PLCB1: variants seen among roughly 807,000 people sequenced by gnomAD.
PLCB1 encodes the protein 1-phosphatidylinositol 4,5-bisphosphate phosphodiesterase beta-1.
Under a neutral mutation model 161.8 loss-of-function variants are expected in PLCB1, and 46 were observed. The observed-to-expected ratio is 0.28, with a 90% CI of 0.22 to 0.36. The LOEUF is 0.36. Ranked by LOEUF, PLCB1 falls within the 10% of genes least tolerant of loss-of-function variation. The probability of loss-of-function intolerance (pLI) is 1.00; values close to 1 mark genes in which losing one functional copy is unlikely to be tolerated. For missense variants in PLCB1, 1,016 were observed against 1,472.5 expected (o/e 0.69, Z 5.07); for synonymous variants, 517 against 503.7 (o/e 1.03, Z -0.35).
intron 3 of PLCB1, among the ~76,000 whole-genome samples, chr20:8,602,349 T>G (rs1442271911): frequency 3.3e-5 from 5 of 152,130 alleles, no homozygotes; most frequent in African/African-American, 1.2e-4. Context: ...TGTAGAGATA[T>G]TAATTAAAAT....
At chr20:8,749,117 T>C (rs528233208) in intron 23 of PLCB1, among the ~76,000 whole-genome samples, 8 of 152,268 alleles carry the variant, frequency 5.3e-5, no homozygotes, top group African/African-American at 1.9e-4. Context: ...CTCTCAAACT[T>C]TAGCATGTAC....
At chr20:8,793,410 A>C (rs1983863317) in intron 31 of PLCB1, among the ~76,000 whole-genome samples, 1 of 152,154 alleles carries the variant, frequency 6.6e-6, no homozygotes, top group Non-Finnish European at 1.5e-5. Context: ...ATCTGCCCCG[A>C]TATTCACGTA....
chr20:8,409,645 T>G (rs1978953564), intron 3 of PLCB1, among the ~76,000 whole-genome samples: 1 of 151,868 alleles, frequency 6.6e-6, no homozygotes, highest in South Asian at 2.1e-4. Context: ...GTATTTTTAG[T>G]AGAGATCGGG....
At position 8,354,992 on chromosome 20, in the gene PLCB1, T is replaced by A. The variant is rs548543062; in HGVS notation, c.178-16390T>A. Reference sequence around the variant, plus strand: ...GATTCTGTCTACCAAGTCAGAGAAGTGGTTTAAATGTGTTGATGTATCTGG... The same window carrying A: ...GATTCTGTCTACCAAGTCAGAGAAGAGGTTTAAATGTGTTGATGTATCTGG... On this transcript the variant is annotated intron_variant, in intron 2 of 31. Coordinates refer to ENST00000338037, the MANE Select transcript of PLCB1 (RefSeq NM_015192.4). 4.6e-5 allele frequency among the ~76,000 whole-genome samples: 7 copies of A among 152,246 alleles called. No homozygotes were observed. In the South Asian group the frequency reaches 1.4e-3, roughly 32 times the overall value.
At chr20:8,719,759 G>T (rs1177304038) in intron 14 of PLCB1, among the ~76,000 whole-genome samples, 1 of 152,034 alleles carries the variant, frequency 6.6e-6, no homozygotes, top group Non-Finnish European at 1.5e-5. Flanking sequence ...AAAATTCTTT[G>T]CACTGTGGAC....
At chr20:8,778,481 A>C (rs1983052218) in intron 27 of PLCB1, among the ~76,000 whole-genome samples, 1 of 152,126 alleles carries the variant, frequency 6.6e-6, no homozygotes, top group Non-Finnish European at 1.5e-5. Flanking sequence ...AGGTGGGAAA[A>C]TTGCACTTGA....
intron 3 of PLCB1, among the ~76,000 whole-genome samples, chr20:8,389,501 G>A (rs1224703338): frequency 6.6e-6 from 1 of 152,160 alleles, no homozygotes; most frequent in African/African-American, 2.4e-5. Flanking sequence ...GACAGAATTA[G>A]TACCATGAGT....
intron 23 of PLCB1, among the ~76,000 whole-genome samples, chr20:8,755,176 G>A (rs1981677279): frequency 6.6e-6 from 1 of 152,178 alleles, no homozygotes; most frequent in Non-Finnish European, 1.5e-5. Context: ...ATTAAAATAA[G>A]TTCTGCCATC....
intron 7 of PLCB1, among the ~76,000 whole-genome samples, chr20:8,651,253 A>C (rs1989313323): frequency 6.6e-6 from 1 of 152,218 alleles, no homozygotes; most frequent in Non-Finnish European, 1.5e-5. Flanking sequence ...AGCCATTCTT[A>C]GACTTATGAT....
intron 1 of PLCB1, among the ~76,000 whole-genome samples, chr20:8,147,721 C>T (rs1260994356): frequency 1.3e-5 from 2 of 152,014 alleles, no homozygotes; most frequent in Non-Finnish European, 2.9e-5. Context: ...GATCACTTAA[C>T]AGAGGAACTG....
At chr20:8,462,072 GTA>G (rs1318097879) in intron 3 of PLCB1, among the ~76,000 whole-genome samples, 2 of 151,546 alleles carry the variant, frequency 1.3e-5, no homozygotes, top group African/African-American at 4.8e-5. Context: ...AAATATATGT[GTA>G]TATATATAAA....
At position 8,436,774 on chromosome 20, in the gene PLCB1, G is replaced by A. The variant is rs144308681; in HGVS notation, c.246+65324G>A. The stretch of plus-strand genomic sequence containing the variant: ...CACTTGACCTAGCCACCGTAGCCAT[G>A]GAATTTTATTTATTTATTTATTTAT... On this transcript the variant is annotated intron_variant, in intron 3 of 31. Transcript: ENST00000338037. Among the ~76,000 whole-genome samples, 164 of 152,048 alleles carry A rather than the reference G, an allele frequency of 1.1e-3. 3 individuals carry two copies. In the East Asian group the frequency reaches 0.03, roughly 28 times the overall value.
At position 8,278,014 on chromosome 20, in the gene PLCB1, A is replaced by G. The variant is rs73895725; in HGVS notation, c.178-93368A>G. ...TTTATCCTCCAGATATGCTTGCAAA[A>G]TGAAATATGTACAGAAATGTTCATT... On this transcript the variant is annotated intron_variant, in intron 2 of 31. Coordinates refer to ENST00000338037, the MANE Select transcript of PLCB1 (RefSeq NM_015192.4). 4.2e-3 allele frequency among the ~76,000 whole-genome samples: 635 copies of G among 152,164 alleles called. 6 individuals are homozygous for G. The highest frequency in any genetic ancestry group is 0.014 in the African/African-American group (589 of 41,528).
intron 3 of PLCB1, among the ~76,000 whole-genome samples, chr20:8,595,670 C>T (rs1317188935): frequency 2.0e-5 from 3 of 150,526 alleles, no homozygotes; most frequent in Non-Finnish European, 4.5e-5. Flanking sequence ...CCTGAGGAGT[C>T]GCCACACTGA....
chr20:8,437,814 T>C (rs945464796), intron 3 of PLCB1, among the ~76,000 whole-genome samples: 2 of 152,162 alleles, frequency 1.3e-5, no homozygotes. Context: ...TTACCAATTA[T>C]GTAGCTAATT....
At chr20:8,163,640 A>G (rs756598916) in intron 2 of PLCB1, among the ~76,000 whole-genome samples, 6 of 152,194 alleles carry the variant, frequency 3.9e-5, no homozygotes, top group Non-Finnish European at 8.8e-5. Context: ...GCAGGTTCAT[A>G]TACAGATCTG....
intron 3 of PLCB1, among the ~76,000 whole-genome samples, chr20:8,464,961 T>C (rs1004385349): frequency 6.6e-6 from 1 of 152,172 alleles, no homozygotes; most frequent in African/African-American, 2.4e-5. Context: ...AGATATTCTT[T>C]TTGCTTTATT....
chr20:8,585,659 A>G (rs1336982145), intron 3 of PLCB1, among the ~76,000 whole-genome samples: 1 of 152,126 alleles, frequency 6.6e-6, no homozygotes, highest in African/African-American at 2.4e-5. Flanking sequence ...CTGAGATGTC[A>G]TATTCTAGAA....
chr20:8,420,828 G>A (rs1568669330), intron 3 of PLCB1, among the ~76,000 whole-genome samples: 1 of 152,200 alleles, frequency 6.6e-6, no homozygotes, highest in Non-Finnish European at 1.5e-5. Flanking sequence ...GGTATTCCAA[G>A]TATATCTGTG....
Sources: gnomAD v4.1 joint callset for allele counts (sites outside exome capture counted in the v4.1 genomes callset) on GRCh38, gnomAD v4.1.1 for gene constraint, MANE v1.5 for transcripts, NCBI Gene and HGNC (gene_info 2026-07-23, HGNC 2026-07-21) for gene names.